The following NEO1 variants were observed in gnomAD, a reference collection of about 807,000 sequenced individuals.
NEO1 encodes neogenin 1, also known as neogenin.
A neutral mutation model predicts 159.7 loss-of-function variants in NEO1; 63 were observed. The ratio of observed to expected loss-of-function variants is 0.39; its 90% CI spans 0.32 to 0.49. The LOEUF is 0.49. Ranked by LOEUF, NEO1 falls within the 20% of genes least tolerant of loss-of-function variation. The pLI, the probability that NEO1 is intolerant of heterozygous loss-of-function variation, is 0.85. For synonymous variants in NEO1, 633 were observed against 662.0 expected (o/e 0.96, Z 0.67); for missense variants, 1,615 against 1,831.0 (o/e 0.88, Z 2.15).
At chr15:73,096,611 C>G (rs186474189) in intron 1 of NEO1, among the ~76,000 whole-genome samples, 2 of 152,214 alleles carry the variant, frequency 1.3e-5, no homozygotes, top group East Asian at 3.9e-4. Flanking sequence ...TTGAGAAAGC[C>G]AAAATTTTAG....
intron 9 of NEO1, among the ~76,000 whole-genome samples, chr15:73,245,965 T>C (rs2039773664): frequency 6.6e-6 from 1 of 152,200 alleles, no homozygotes; most frequent in Admixed American, 6.5e-5. Flanking sequence ...ATAAAATATT[T>C]TACTTTGGGT....
intron 1 of NEO1, among the ~76,000 whole-genome samples, chr15:73,056,235 C>A (rs1225061167): frequency 6.6e-6 from 1 of 152,230 alleles, no homozygotes; most frequent in Non-Finnish European, 1.5e-5. Context: ...AACGACACAG[C>A]TTCAGATCTC....
intron 7 of NEO1, among the ~76,000 whole-genome samples, chr15:73,185,119 C>T (rs2035847853): frequency 6.6e-6 from 1 of 151,944 alleles, no homozygotes; most frequent in Admixed American, 6.6e-5. Context: ...TTAGTGGTTG[C>T]CAGGGTTTGG....
chr15:73,273,161 T>C (rs2041252749), intron 19 of NEO1, among the ~76,000 whole-genome samples: 1 of 152,106 alleles, frequency 6.6e-6, no homozygotes. Flanking sequence ...CACTCTGCCT[T>C]CCTCAGCCTT....
intron 1 of NEO1, among the ~76,000 whole-genome samples, chr15:73,096,873 C>G (rs1285319236): frequency 6.6e-6 from 1 of 152,052 alleles, no homozygotes; most frequent in Non-Finnish European, 1.5e-5. Context: ...ACCTGTAATT[C>G]CAGCACTTTG....
chr15:73,234,713 T>A (rs1190430416), intron 7 of NEO1, among the ~76,000 whole-genome samples: 2 of 152,042 alleles, frequency 1.3e-5, no homozygotes, highest in Admixed American at 6.6e-5. Context: ...TCTGCACTCT[T>A]AAAAGCACTA....
At chr15:73,071,515 G>A (rs188923820) in intron 1 of NEO1, among the ~76,000 whole-genome samples, 253 of 152,068 alleles carry the variant, frequency 1.7e-3, no homozygotes, top group African/African-American at 5.8e-3. Context: ...TCACTTAGAT[G>A]TTTTTTGTTT....
intron 5 of NEO1, among the ~76,000 whole-genome samples, chr15:73,143,677 A>G (rs942986911): frequency 2.0e-5 from 3 of 152,086 alleles, no homozygotes; most frequent in Non-Finnish European, 4.4e-5. Context: ...CTTTCCCCCT[A>G]AATCTGGAAT....
intron 1 of NEO1, among the ~76,000 whole-genome samples, chr15:73,102,542 C>A (rs1238785587): frequency 1.3e-5 from 2 of 152,162 alleles, no homozygotes; most frequent in Non-Finnish European, 2.9e-5. Flanking sequence ...GTGACTTTCT[C>A]AATGTATATC....
At position 73,052,786 on chromosome 15, in the gene NEO1, C is replaced by T. The variant is rs771180768; in HGVS notation, c.111C>T (p.Gly37=). Residue 37 remains glycine (G), a synonymous_variant, in exon 1 of 29, where the codon GGC becomes GGT. Coordinates refer to ENST00000261908, the MANE Select transcript of NEO1 (RefSeq NM_002499.4). The part of the protein sequence containing the change: ...RAPGAAAARS[G]SAPQSPGASI... ...CGGGCGCCGCGGCCGCCAGGAGCGGCTCCGCGCCGCAGTCCCCAGGTAAGC... is the reference window on the plus strand; with the variant it reads ...CGGGCGCCGCGGCCGCCAGGAGCGGTTCCGCGCCGCAGTCCCCAGGTAAGC... 2.0e-5 allele frequency: 23 copies of T among 1,143,056 alleles called. No individual in the cohort carries two copies. The South Asian group carries it at 6.5e-4, about 32-fold the overall frequency. 70.8% of individuals were successfully genotyped at this position (1,143,056 alleles called of 1,614,324 possible).
chr15:73,249,643 A>C lies in NEO1; in HGVS notation c.1816A>C (p.Ser606Arg). The change falls in exon 11 of 29, where the codon AGT becomes CGT. Residue 606 changes from serine to arginine, a missense_variant. Transcript: ENST00000261908. ...TGGGTTGAAAAAATATACAGAGTAT[A>C]GTTTCCGAGTGGTGGCCTACAATAA... is the stretch of plus-strand genomic sequence containing the variant. Reference protein sequence around the residue: ...INGLKKYTEYSFRVVAYNKHG... With the variant: ...INGLKKYTEYRFRVVAYNKHG... 6.2e-7 allele frequency: 1 copy of C among 1,613,870 alleles called. No individual in the cohort carries two copies. Among genetic ancestry groups the C allele is most frequent in the Non-Finnish European group, 8.5e-7 (1 of 1,179,926 alleles).
rs1450778110 is a variant in NEO1 at position 73,244,209 on chromosome 15, A to ACCC, written c.1452-132_1452-130dup. Reference sequence around the variant, plus strand: ...GTCCCCATCTTCTTTGCACTGTCCTACCCCCAAAAGCTTCATTGTTTGAGA... The same window carrying ACCC: ...GTCCCCATCTTCTTTGCACTGTCCTACCCCCCCCAAAAGCTTCATTGTTTGAGA... On this transcript the variant is annotated intron_variant, in intron 8 of 28. Coordinates refer to ENST00000261908, the MANE Select transcript of NEO1 (RefSeq NM_002499.4). 6 of 945,758 alleles carry ACCC rather than the reference A, an allele frequency of 6.3e-6. No homozygotes were observed. In the South Asian group the frequency reaches 7.2e-5, roughly 11 times the overall value. The allele number at this position is 945,758 out of a possible 1,614,324, so 58.6% of individuals were successfully genotyped here. A position where few individuals can be genotyped will look rare whatever the true frequency, so the allele number is the denominator to read the frequency against.
intron 1 of NEO1, among the ~76,000 whole-genome samples, chr15:73,083,510 A>G (rs2069185260): frequency 6.6e-6 from 1 of 152,234 alleles, no homozygotes; most frequent in Middle Eastern, 3.4e-3. Flanking sequence ...TTCACAATAC[A>G]TTATCATTGG....
chr15:73,123,623 TAATC>T (rs1330903220), intron 3 of NEO1, among the ~76,000 whole-genome samples: 1 of 152,186 alleles, frequency 6.6e-6, no homozygotes, highest in Non-Finnish European at 1.5e-5. Context: ...GTGTTCCTCA[TAATC>T]AATTTTGTAT....
At chr15:73,165,269 G>A (rs1050952912) in intron 5 of NEO1, among the ~76,000 whole-genome samples, 21 of 152,142 alleles carry the variant, frequency 1.4e-4, no homozygotes, top group African/African-American at 7.2e-5. Context: ...TCTAAGGAGG[G>A]TACTGGTGTT....
intron 1 of NEO1, among the ~76,000 whole-genome samples, chr15:73,087,147 A>T (rs1481365797): frequency 6.6e-6 from 1 of 152,020 alleles, no homozygotes; most frequent in Non-Finnish European, 1.5e-5. Flanking sequence ...TTTTTTGTAG[A>T]TTCTCTTTTT....
intron 8 of NEO1, among the ~76,000 whole-genome samples, chr15:73,239,354 C>T (rs2039373936): frequency 6.6e-6 from 1 of 152,136 alleles, no homozygotes; most frequent in South Asian, 2.1e-4. Context: ...GTCCTATAGA[C>T]ATACAGATAT....
Position 73,124,570 on chromosome 15 carries a change from C to G in NEO1, c.724+1770C>G, listed in dbSNP as rs116778369. Among the ~76,000 whole-genome samples, 854 of 152,262 alleles carry G rather than the reference C, an allele frequency of 5.6e-3. 10 individuals carry two copies. The highest frequency in any genetic ancestry group is 0.019 in the African/African-American group (807 of 41,542). Reference sequence around the variant, plus strand: ...ATGTTTCTAGAACAATCCAGATATGCTCTTGGCCATTTTCTCTTTCTGGAA... The same window carrying G: ...ATGTTTCTAGAACAATCCAGATATGGTCTTGGCCATTTTCTCTTTCTGGAA... On this transcript the variant is annotated intron_variant, in intron 3 of 28. Coordinates refer to ENST00000261908, the MANE Select transcript of NEO1 (RefSeq NM_002499.4).
intron 1 of NEO1, among the ~76,000 whole-genome samples, chr15:73,087,338 G>A (rs1019878205): frequency 2.6e-5 from 4 of 152,074 alleles, no homozygotes; most frequent in Admixed American, 6.6e-5. Flanking sequence ...CTTATATTAG[G>A]ATAAACCTCA....
Sources: allele counts gnomAD v4.1 joint callset (sites outside exome capture counted in the v4.1 genomes callset), GRCh38; gene constraint gnomAD v4.1.1; transcripts MANE v1.5; gene names NCBI Gene and HGNC (gene_info 2026-07-23, HGNC 2026-07-21).